The following DNAJC1 variants were observed in gnomAD, a reference collection of about 807,000 sequenced individuals.
DNAJC1 encodes DnaJ heat shock protein family (Hsp40) member C1.
In DNAJC1, 58 loss-of-function variants were observed where a neutral mutation model predicts 76.6. The ratio of observed to expected loss-of-function variants is 0.76; its 90% CI spans 0.61 to 0.94. The LOEUF is 0.94. DNAJC1 is among the 40% of genes least tolerant of loss of function. DNAJC1 has a pLI of 0.00. For synonymous variants in DNAJC1, 258 were observed against 267.9 expected (o/e 0.96, Z 0.36); for missense variants, 689 against 677.3 (o/e 1.02, Z -0.19).
intron 9 of DNAJC1, among the ~76,000 whole-genome samples, chr10:21,802,528 A>G (rs1834824752): frequency 6.6e-6 from 1 of 152,158 alleles, no homozygotes; most frequent in African/African-American, 2.4e-5. Context: ...CTTCACTTGC[A>G]TAATGGGCTA....
intron 1 of DNAJC1, among the ~76,000 whole-genome samples, chr10:21,981,227 T>C (rs1242777047): frequency 6.6e-6 from 1 of 152,198 alleles, no homozygotes; most frequent in African/African-American, 2.4e-5. Context: ...GAATTACATT[T>C]TTCCCTGATT....
At chr10:21,991,080 A>G (rs1838320009) in intron 1 of DNAJC1, among the ~76,000 whole-genome samples, 1 of 152,212 alleles carries the variant, frequency 6.6e-6, no homozygotes, top group Non-Finnish European at 1.5e-5. Flanking sequence ...AGCAATCTCT[A>G]TTCTAAATCA....
chr10:21,791,925 CAA>C (rs934877395), intron 9 of DNAJC1, among the ~76,000 whole-genome samples: 54 of 151,948 alleles, frequency 3.6e-4, no homozygotes, highest in Middle Eastern at 6.9e-3. Flanking sequence ...ATCAATGAAA[CAA>C]AAAGTTGATT....
intron 1 of DNAJC1, among the ~76,000 whole-genome samples, chr10:21,966,739 G>T (rs1436069760): frequency 1.3e-5 from 2 of 148,688 alleles, no homozygotes; most frequent in Non-Finnish European, 3.0e-5. Flanking sequence ...AGGCTGGAGT[G>T]CAATGGCGCG....
chr10:21,976,259 C>G (rs1838060350), intron 1 of DNAJC1, among the ~76,000 whole-genome samples: 1 of 152,012 alleles, frequency 6.6e-6, no homozygotes, highest in Admixed American at 6.6e-5. Flanking sequence ...CCTACAAAAT[C>G]TAGAAAAGTA....
At position 21,931,403 on chromosome 10, in the gene DNAJC1, C is replaced by T. The variant is rs138304045; in HGVS notation, c.223-2262G>A. 9.3e-4 allele frequency among the ~76,000 whole-genome samples: 142 copies of T among 152,258 alleles called. 4 individuals are homozygous for T. The East Asian group carries it at 0.018, about 20-fold the overall frequency. On this transcript the variant is annotated intron_variant, in intron 1 of 11. Transcript: ENST00000376980. ...CAATAAATTCTACCTCAAGTAGATA[C>T]GGTGAAAAACATGAAGATTTTCTTA...
chr10:21,875,832 G>A (rs1335853396), intron 8 of DNAJC1, among the ~76,000 whole-genome samples: 1 of 152,092 alleles, frequency 6.6e-6, no homozygotes, highest in Non-Finnish European at 1.5e-5. Flanking sequence ...GGCTGAGGCA[G>A]GAGAATCACT....
intron 1 of DNAJC1, among the ~76,000 whole-genome samples, chr10:21,965,870 T>C (rs1428135068): frequency 2.0e-5 from 3 of 152,216 alleles, no homozygotes; most frequent in Non-Finnish European, 1.5e-5. Flanking sequence ...AGACTCGCCC[T>C]GAATTCTTTC....
intron 3 of DNAJC1, among the ~76,000 whole-genome samples, chr10:21,926,694 G>C (rs1837134507): frequency 6.6e-6 from 1 of 152,104 alleles, no homozygotes; most frequent in Non-Finnish European, 1.5e-5. Flanking sequence ...AGCTTCATTA[G>C]TTAAGACTTT....
chr10:21,953,782 A>T (rs1319123610), intron 1 of DNAJC1, among the ~76,000 whole-genome samples: 1 of 148,412 alleles, frequency 6.7e-6, no homozygotes, highest in East Asian at 2.0e-4. Context: ...CTCTAGCTCC[A>T]TCACTGCCAT....
chr10:21,764,113 A>T (rs1005781157), intron 10 of DNAJC1, among the ~76,000 whole-genome samples: 1 of 152,248 alleles, frequency 6.6e-6, no homozygotes, highest in Non-Finnish European at 1.5e-5. Flanking sequence ...ACAATAAAAA[A>T]AAAATGGAAA....
At chr10:21,778,461 T>C (rs1391290089) in intron 9 of DNAJC1, among the ~76,000 whole-genome samples, 3 of 152,234 alleles carry the variant, frequency 2.0e-5, no homozygotes, top group Non-Finnish European at 4.4e-5. Flanking sequence ...AAGTATTGAC[T>C]TAGTACATTA....
At chr10:21,977,885 A>C (rs1277655036) in intron 1 of DNAJC1, among the ~76,000 whole-genome samples, 1 of 152,166 alleles carries the variant, frequency 6.6e-6, no homozygotes, top group Non-Finnish European at 1.5e-5. Context: ...ACAGAAAAAT[A>C]ATAAGTAAAT....
intron 8 of DNAJC1, among the ~76,000 whole-genome samples, chr10:21,806,816 T>C (rs1834889845): frequency 6.6e-6 from 1 of 152,182 alleles, no homozygotes; most frequent in Non-Finnish European, 1.5e-5. Context: ...CCATTTCATT[T>C]TGGTCAACTT....
At chr10:21,913,932 C>T (rs1261315522) in intron 6 of DNAJC1, among the ~76,000 whole-genome samples, 1 of 152,192 alleles carries the variant, frequency 6.6e-6, no homozygotes, top group African/African-American at 2.4e-5. Context: ...TATCTCAACA[C>T]ACTTCCTGAA....
intron 1 of DNAJC1, among the ~76,000 whole-genome samples, chr10:21,980,445 G>A (rs1479837297): frequency 6.6e-6 from 1 of 151,986 alleles, no homozygotes; most frequent in Non-Finnish European, 1.5e-5. Flanking sequence ...TTAATCATGA[G>A]GAAATATTAG....
In DNAJC1 at chr10:21,822,897, T is replaced by C. The variant is rs372175629; in HGVS notation, c.979-16798A>G. 7.3e-5 allele frequency among the ~76,000 whole-genome samples: 11 copies of C among 151,534 alleles called. No homozygotes were observed. In the East Asian group the frequency reaches 1.2e-3, roughly 16 times the overall value. On this transcript the variant is annotated intron_variant, in intron 8 of 11. Transcript: ENST00000376980. Reference sequence around the variant, plus strand: ...TTTCCTTTACAGTTTTGTTATATTATCTAGTAGCAAAGTCCTAGACATAAA... The same window carrying C: ...TTTCCTTTACAGTTTTGTTATATTACCTAGTAGCAAAGTCCTAGACATAAA...
At chr10:21,985,745 A>G (rs1369515572) in intron 1 of DNAJC1, among the ~76,000 whole-genome samples, 1 of 152,188 alleles carries the variant, frequency 6.6e-6, no homozygotes, top group African/African-American at 2.4e-5. Flanking sequence ...TGGATACACC[A>G]CATTTTGTTC....
intron 7 of DNAJC1, among the ~76,000 whole-genome samples, chr10:21,889,772 AG>A (rs962789296): frequency 1.3e-5 from 2 of 152,180 alleles, no homozygotes; most frequent in Non-Finnish European, 2.9e-5. Context: ...CTCTAGCTAA[AG>A]GGTCAAAAAA....
Sources: gnomAD v4.1 joint callset for allele counts (sites outside exome capture counted in the v4.1 genomes callset) on GRCh38, gnomAD v4.1.1 for gene constraint, MANE v1.5 for transcripts, NCBI Gene and HGNC (gene_info 2026-07-23, HGNC 2026-07-21) for gene names.